TGS1: variants seen among roughly 807,000 people sequenced by gnomAD.
The protein encoded by TGS1 is trimethylguanosine synthase.
TGS1 carries 69 observed loss-of-function variants against 92.2 expected under a neutral mutation model. The ratio of observed to expected loss-of-function variants is 0.75; its 90% CI spans 0.62 to 0.91. The LOEUF (loss-of-function observed/expected upper bound fraction) is 0.91, where lower values mean the gene tolerates loss of function less well. Ranked by LOEUF, TGS1 falls within the 40% of genes least tolerant of loss-of-function variation. The pLI is 0.00. For missense variants in TGS1, 1,062 were observed against 1,001.2 expected, an observed-to-expected ratio of 1.06 and a Z score of -0.82; for synonymous variants, 345 against 338.1, an observed-to-expected ratio of 1.02 and a Z score of -0.22.
rs968507304 is a variant in TGS1, at chr8:55,773,489, C to A, written c.-130C>A. The A allele has an allele frequency of 1.6e-6, 1 of 624,276 alleles. No homozygotes were observed. Among genetic ancestry groups the A allele is most frequent in the Non-Finnish European group, 2.6e-6 (1 of 383,462 alleles). The allele number at this position is 624,276 out of a possible 1,614,324, so 38.7% of individuals were successfully genotyped here. On this transcript the variant is annotated 5_prime_UTR_variant, in exon 1 of 13. Transcript: ENST00000260129. ...CGGGCTAGTTCCCGGCGCGAGCGGC[C>A]GCGGGCCAGTTTCTATCTCCTCATC...
chr8:55,789,204 C>T (rs1486622577), intron 4 of TGS1, among the ~76,000 whole-genome samples: 1 of 152,164 alleles, frequency 6.6e-6, no homozygotes, highest in East Asian at 1.9e-4. Flanking sequence ...ACCCTGCAGA[C>T]ATCTTTTTCC....
chr8:55,781,957 C>T (rs934252615), intron 1 of TGS1, among the ~76,000 whole-genome samples: 5 of 152,084 alleles, frequency 3.3e-5, no homozygotes, highest in African/African-American at 9.7e-5. Context: ...GTAACCTTTG[C>T]TCAGACCATG....
At chr8:55,804,757 T>TGG in intron 9 of TGS1, 136 bp from the exon 10 acceptor site, 1 of 710,116 alleles carries the variant, frequency 1.4e-6, no homozygotes, top group African/African-American at 1.8e-5. Flanking sequence ...TCTTTAAAAC[T>TGG]GGGTGATTTA....
At chr8:55,782,207 T>A (rs969511990) in intron 1 of TGS1, among the ~76,000 whole-genome samples, 15 of 151,704 alleles carry the variant, frequency 9.9e-5, no homozygotes, top group Admixed American at 8.6e-4. Context: ...TTGAGATAGA[T>A]TTTTGCTCTT....
intron 5 of TGS1, among the ~76,000 whole-genome samples, chr8:55,791,162 A>T (rs552025473): frequency 6.6e-6 from 1 of 152,344 alleles, no homozygotes; most frequent in South Asian, 2.1e-4. Context: ...CAGAGCCCAG[A>T]TCAACTCTAC....
chr8:55,802,062 C>T lies in TGS1; in HGVS notation c.1850-395C>T, dbSNP rs190650854. ...CAAAAAAATTAGCCGGGCGTGGTGA[C>T]GGGCGCCTGTAGTCCCAGCTACTCG... On this transcript the variant is annotated intron_variant, in intron 8 of 12. Transcript: ENST00000260129. 4.6e-3 allele frequency among the ~76,000 whole-genome samples: 701 copies of T among 152,102 alleles called. 3 individuals are homozygous for T. The highest frequency in any genetic ancestry group is 0.016 in the African/African-American group (646 of 41,526).
In TGS1 at chr8:55,798,967, G is replaced by A; in HGVS notation, c.1596G>A (p.Gln532=). ...VNKPMDEEAS[Q]ESSSHDNVHD... Reference sequence around the variant, plus strand: ...AACCAATGGATGAAGAAGCATCACAGGAATCATCTTCTCATGACAATGTGC... The same window carrying A: ...AACCAATGGATGAAGAAGCATCACAAGAATCATCTTCTCATGACAATGTGC... The change falls in exon 8 of 13, where the codon CAG becomes CAA. Residue 532 remains glutamine, a synonymous_variant. Transcript: ENST00000260129. 6.2e-7 allele frequency: 1 copy of A among 1,613,678 alleles called. No individual in the cohort carries two copies. Among genetic ancestry groups the A allele is most frequent in the Non-Finnish European group, 8.5e-7 (1 of 1,179,940 alleles).
intron 1 of TGS1, among the ~76,000 whole-genome samples, chr8:55,774,949 CTG>C (rs1811344033): frequency 6.6e-6 from 1 of 152,150 alleles, no homozygotes; most frequent in African/African-American, 2.4e-5. Flanking sequence ...GCCTGGGAAA[CTG>C]AACAAAATGG....
intron 1 of TGS1, among the ~76,000 whole-genome samples, chr8:55,775,160 C>T (rs893957199): frequency 2.0e-5 from 3 of 151,456 alleles, no homozygotes; most frequent in African/African-American, 7.3e-5. Context: ...AGGCTTGGGC[C>T]AGATGCTCTC....
intron 1 of TGS1, among the ~76,000 whole-genome samples, chr8:55,781,583 GC>G: frequency 6.6e-6 from 1 of 152,182 alleles, no homozygotes; most frequent in East Asian, 1.9e-4. Flanking sequence ...GACCAGTGAT[GC>G]CCCCTGTGCA....
chr8:55,803,774 C>G (rs557922610), intron 9 of TGS1, among the ~76,000 whole-genome samples: 1 of 151,252 alleles, frequency 6.6e-6, no homozygotes, highest in Non-Finnish European at 1.5e-5. Flanking sequence ...GCTCAGCAAC[C>G]TCCACCTCCC....
At chr8:55,782,856 G>A (rs1442796529) in intron 2 of TGS1, 44 bp downstream of exon 2, 10 of 1,254,850 alleles carry the variant, frequency 8.0e-6, no homozygotes, top group African/African-American at 1.5e-5. Context: ...GCTGAAATTA[G>A]CCATAATGTG....
At chr8:55,822,076 C>CT (rs1323862618) in intron 12 of TGS1, among the ~76,000 whole-genome samples, 1,962 of 144,524 alleles carry the variant, frequency 0.014, 37 homozygotes, top group African/African-American at 0.046. Context: ...TTCTTTCTTT[C>CT]TTTTTTTTTT....
At chr8:55,805,579 G>T (rs1336774844) in intron 10 of TGS1, among the ~76,000 whole-genome samples, 2 of 152,108 alleles carry the variant, frequency 1.3e-5, no homozygotes, top group South Asian at 2.1e-4. Context: ...GACCAACCTG[G>T]TCTCTAGAAA....
chr8:55,816,950 T>C (rs569798998), intron 12 of TGS1, among the ~76,000 whole-genome samples: 9 of 152,080 alleles, frequency 5.9e-5, no homozygotes, highest in African/African-American at 2.2e-4. Flanking sequence ...AACCTCTGCC[T>C]GCCTCCCGGG....
At position 55,790,046 on chromosome 8, in the gene TGS1, A is replaced by G. The variant is rs1340764847; in HGVS notation, c.1163-136A>G. 7 of 652,184 alleles carry G rather than the reference A, an allele frequency of 1.1e-5. No homozygotes were observed. The Admixed American group carries it at 1.6e-4, about 15-fold the overall frequency. 40.4% of individuals were successfully genotyped at this position (652,184 alleles called of 1,614,324 possible). On this transcript the variant is annotated intron_variant, in intron 4 of 12. Coordinates refer to ENST00000260129, the MANE Select transcript of TGS1 (RefSeq NM_024831.8). ...TCTGCATGTAGACACAAACAGGTAG[A>G]TGTGAGCTGGCACTTTGATGCACAT...
intron 12 of TGS1, among the ~76,000 whole-genome samples, chr8:55,813,601 C>T (rs1803394644): frequency 6.6e-6 from 1 of 152,164 alleles, no homozygotes; most frequent in African/African-American, 2.4e-5. Context: ...ATGTTGCTAA[C>T]TGGGTTTTTC....
intron 1 of TGS1, among the ~76,000 whole-genome samples, chr8:55,780,207 C>T (rs1487260881): frequency 7.0e-6 from 1 of 142,622 alleles, no homozygotes; most frequent in Admixed American, 7.3e-5. Flanking sequence ...ATTCGCTCTG[C>T]TGCTGAGGCT....
chr8:55,820,267 C>T (rs1390893177), intron 12 of TGS1, among the ~76,000 whole-genome samples: 1 of 152,158 alleles, frequency 6.6e-6, no homozygotes, highest in Non-Finnish European at 1.5e-5. Flanking sequence ...CAGTTTTGCT[C>T]CAGGCGCAGT....
Sources: gnomAD v4.1 joint callset for allele counts (sites outside exome capture counted in the v4.1 genomes callset) on GRCh38, gnomAD v4.1.1 for gene constraint, MANE v1.5 for transcripts, NCBI Gene and HGNC (gene_info 2026-07-23, HGNC 2026-07-21) for gene names.